CNOT11: variants seen among roughly 807,000 people sequenced by gnomAD.
The protein encoded by CNOT11 is UPF0760 protein C2orf29.
Under a neutral mutation model 44.6 loss-of-function variants are expected in CNOT11, and 18 were observed. The observed-to-expected ratio is 0.40, with a 90% confidence interval of 0.28 to 0.60. The LOEUF is 0.60. CNOT11 is among the 20% of genes least tolerant of loss of function. The probability of loss-of-function intolerance (pLI) is 0.38; values close to 1 mark genes in which losing one functional copy is unlikely to be tolerated. For missense variants in CNOT11, 513 were observed against 677.0 expected (o/e 0.76, Z 2.69); for synonymous variants, 291 against 270.9 (o/e 1.07, Z -0.73).
In CNOT11 at chr2:101,266,852, C is replaced by G; in HGVS notation, c.1211C>G (p.Ser404Cys). The G allele has an allele frequency of 6.2e-7, 1 of 1,613,358 alleles. No homozygotes were observed. Among genetic ancestry groups the G allele is most frequent in the Non-Finnish European group, 8.5e-7 (1 of 1,179,318 alleles). ...YFSVLVNMDM[S>C]LHSMEVVNRL... ...TCTGTCCTGGTCAATATGGACATGTCTTTACATTCAATGGAAGTTGTAAAT... is the reference window on the plus strand; with the variant it reads ...TCTGTCCTGGTCAATATGGACATGTGTTTACATTCAATGGAAGTTGTAAAT... The change falls in exon 5 of 7, where the codon TCT becomes TGT. Residue 404 changes from serine (S) to cysteine (C), a missense_variant. Physicochemically the swap from Ser to Cys is moderately radical, Grantham distance 112. Transcript: ENST00000289382.
chr2:101,264,974 G>A lies in CNOT11; in HGVS notation c.962G>A (p.Ser321Asn). ...GATAAATCGATGTGTGTTAAGAATA[G>A]CACTGGTGTGGAGATCAAACGAATA... Reference protein sequence around the residue: ...QWDKSMCVKNSTGVEIKRIMA... With the variant: ...QWDKSMCVKNNTGVEIKRIMA... Residue 321 changes from serine (S) to asparagine (N), a missense_variant, in exon 4 of 7, where the codon AGC becomes AAC. By Grantham distance (46) the Ser-to-Asn change is conservative (BLOSUM62 1). Transcript: ENST00000289382. 1 of 1,614,154 alleles carries A rather than the reference G, an allele frequency of 6.2e-7. No homozygotes were observed. The highest frequency in any genetic ancestry group is 8.5e-7 in the Non-Finnish European group (1 of 1,179,998).
At chr2:101,268,381 A>G (rs1682038806) in intron 5 of CNOT11, among the ~76,000 whole-genome samples, 2 of 152,194 alleles carry the variant, frequency 1.3e-5, no homozygotes, top group Admixed American at 1.3e-4. Flanking sequence ...AGAATCACTT[A>G]CATCTTTTTA....
rs1372118760 is a variant in CNOT11, at chr2:101,260,309, TAA to T, written c.680-2229_680-2228del. The stretch of plus-strand genomic sequence containing the variant: ...ATATTTATTTATAGTATTTAAATAG[TAA>T]TTTTTTTTATCATAATAAAGTGAGA... On this transcript the variant is annotated intron_variant, in intron 2 of 6. Transcript: ENST00000289382. Among the ~76,000 whole-genome samples, 676 of 152,280 alleles carry T rather than the reference TAA, an allele frequency of 4.4e-3. 3 individuals are homozygous for T. The highest frequency in any genetic ancestry group is 0.015 in the African/African-American group (643 of 41,568).
chr2:101,258,676 C>T (rs749833041), intron 2 of CNOT11, among the ~76,000 whole-genome samples: 3 of 151,014 alleles, frequency 2.0e-5, no homozygotes, highest in African/African-American at 7.3e-5. Context: ...TAGAAAAATC[C>T]GGCCAGTCAC....
At chr2:101,255,044 G>A (rs185972158) in intron 1 of CNOT11, among the ~76,000 whole-genome samples, 5 of 152,284 alleles carry the variant, frequency 3.3e-5, no homozygotes, top group African/African-American at 9.6e-5. Context: ...TCCGTAGACC[G>A]CATTATACAC....
chr2:101,252,939 G>C lies in CNOT11; in HGVS notation c.-26G>C. ...GCCGGCGCCAGGGCCCCTCGGGCCG[G>C]GAAGAGGGGAAGGGGAGCGAGGTTG... On this transcript the variant is annotated 5_prime_UTR_variant, in exon 1 of 7. Coordinates refer to ENST00000289382, the MANE Select transcript of CNOT11 (RefSeq NM_017546.5). 7.0e-7 allele frequency: 1 copy of C among 1,420,314 alleles called. No individual in the cohort carries two copies. Among genetic ancestry groups the C allele is most frequent in the Non-Finnish European group, 9.1e-7 (1 of 1,097,830 alleles). The allele number at this position is 1,420,314 out of a possible 1,614,324, so 88.0% of individuals were successfully genotyped here.
chr2:101,260,938 T>G (rs1408513006), intron 2 of CNOT11, among the ~76,000 whole-genome samples: 1 of 152,154 alleles, frequency 6.6e-6, no homozygotes, highest in African/African-American at 2.4e-5. Flanking sequence ...GCATTTCTCC[T>G]AGTAAGTGGA....
chr2:101,255,997 G>A (rs1681728838), intron 1 of CNOT11, among the ~76,000 whole-genome samples: 1 of 151,994 alleles, frequency 6.6e-6, no homozygotes, highest in Non-Finnish European at 1.5e-5. Flanking sequence ...AAATTAGCCC[G>A]GCATGATGGT....
Position 101,269,560 on chromosome 2 carries a change from G to A in CNOT11, c.*147G>A. ...AAAGCAAAGTTTTGCTTTCTTGAAT[G>A]ACTTTTTCTGTGAGATGAATTTTTG... On this transcript the variant is annotated 3_prime_UTR_variant, in exon 7 of 7. Coordinates refer to ENST00000289382, the MANE Select transcript of CNOT11 (RefSeq NM_017546.5). The surrounding 1 kb of genome is among the most constrained non-coding windows in gnomAD (Gnocchi z 4.8). 1.7e-6 allele frequency: 1 copy of A among 587,256 alleles called. No individual in the cohort carries two copies. Among genetic ancestry groups the A allele is most frequent in the East Asian group, 2.9e-5 (1 of 34,726 alleles). The allele number at this position is 587,256 out of a possible 1,614,324, so 36.4% of individuals were successfully genotyped here. A position where few individuals can be genotyped will look rare whatever the true frequency, so the allele number is the denominator to read the frequency against.
chr2:101,257,677 A>T, intron 1 of CNOT11, 114 bp from the exon 2 acceptor site: 1 of 736,438 alleles, frequency 1.4e-6, no homozygotes, highest in Non-Finnish European at 2.3e-6. Flanking sequence ...ATCATAATTT[A>T]GTTCTTAAAA....
At chr2:101,255,525 C>T (rs1431514394) in intron 1 of CNOT11, among the ~76,000 whole-genome samples, 1 of 152,032 alleles carries the variant, frequency 6.6e-6, no homozygotes, top group Non-Finnish European at 1.5e-5. Flanking sequence ...TGAGTGTTAC[C>T]CACTATTATA....
chr2:101,264,722 G>C (rs1681940351), intron 3 of CNOT11, 123 bp from the exon 4 acceptor site: 1 of 730,648 alleles, frequency 1.4e-6, no homozygotes, highest in Non-Finnish European at 2.3e-6. Flanking sequence ...TTTGAAGTAT[G>C]AGAGTTCTAG....
In CNOT11 at chr2:101,262,808, G is replaced by A. The variant is rs866203185; in HGVS notation, c.832+117G>A. 4 of 784,876 alleles carry A rather than the reference G, an allele frequency of 5.1e-6. No homozygotes were observed. In the South Asian group the frequency reaches 7.5e-5, roughly 15 times the overall value. 48.6% of individuals were successfully genotyped at this position (784,876 alleles called of 1,614,324 possible). ...TTATTATGACTTAAATTGTAATTTA[G>A]TGTGAATCTTTCTAGTGTAGTGAGT... On this transcript the variant is annotated intron_variant, in intron 3 of 6. Coordinates refer to ENST00000289382, the MANE Select transcript of CNOT11 (RefSeq NM_017546.5).
At chr2:101,255,858 C>A (rs1218754955) in intron 1 of CNOT11, among the ~76,000 whole-genome samples, 1 of 152,010 alleles carries the variant, frequency 6.6e-6, no homozygotes, top group Non-Finnish European at 1.5e-5. Context: ...GGGTGTAAGG[C>A]CGGGTGTGGT....
chr2:101,258,497 GAATT>G (rs1161789526), intron 2 of CNOT11, among the ~76,000 whole-genome samples: 2 of 151,944 alleles, frequency 1.3e-5, no homozygotes, highest in Non-Finnish European at 2.9e-5. Context: ...GTTTTCACTT[GAATT>G]GATTGCTTTT....
At chr2:101,258,113 G>C (rs1681773429) in intron 2 of CNOT11, among the ~76,000 whole-genome samples, 158 bp downstream of exon 2, 1 of 152,156 alleles carries the variant, frequency 6.6e-6, no homozygotes, top group Non-Finnish European at 1.5e-5. Flanking sequence ...GGAAGTCTTG[G>C]CTGGGCACGG....
intron 2 of CNOT11, 121 bp from the exon 3 acceptor site, chr2:101,262,418 C>CTT: frequency 2.8e-6 from 2 of 727,216 alleles, no homozygotes; most frequent in Non-Finnish European, 4.5e-6. Flanking sequence ...CACACATTTT[C>CTT]TCTCTCTCTC....
intron 2 of CNOT11, among the ~76,000 whole-genome samples, chr2:101,259,511 T>A (rs1681805088): frequency 1.3e-5 from 2 of 152,244 alleles, no homozygotes; most frequent in Admixed American, 1.3e-4. Flanking sequence ...GCTTGCCTGC[T>A]GTCAGCATTC....
chr2:101,267,176 G>A (rs1345472566), intron 5 of CNOT11, among the ~76,000 whole-genome samples: 1 of 152,136 alleles, frequency 6.6e-6, no homozygotes, highest in Non-Finnish European at 1.5e-5. Context: ...AGGCTAGAGT[G>A]CAGTGGCGTG....
Sources: allele counts gnomAD v4.1 joint callset (sites outside exome capture counted in the v4.1 genomes callset), GRCh38; gene constraint gnomAD v4.1.1; non-coding constraint Gnocchi (gnomAD v3.1); transcripts MANE v1.5; gene names NCBI Gene and HGNC (gene_info 2026-07-23, HGNC 2026-07-21).